PBLD: variants seen among roughly 807,000 people sequenced by gnomAD.
PBLD encodes phenazine biosynthesis like protein domain containing.
A neutral mutation model predicts 31.3 loss-of-function variants in PBLD; 26 were observed. The observed-to-expected ratio is 0.83, with a 90% CI of 0.61 to 1.15. PBLD has a LOEUF of 1.15. Among genes scored for constraint, PBLD ranks in the 50% most tolerant of loss-of-function variants. PBLD has a pLI of 0.00. For missense variants in PBLD, 307 were observed against 351.7 expected (o/e 0.87, Z 1.02); for synonymous variants, 114 against 129.0 (o/e 0.88, Z 0.79).
intron 1 of PBLD, among the ~76,000 whole-genome samples, chr10:68,323,973 C>T (rs2044874611): frequency 6.6e-6 from 1 of 152,178 alleles, no homozygotes; most frequent in East Asian, 1.9e-4. Context: ...GACACATTCA[C>T]TCGGACAGTA....
intron 1 of PBLD, among the ~76,000 whole-genome samples, chr10:68,308,800 A>G (rs1335338067): frequency 6.7e-6 from 1 of 148,250 alleles, no homozygotes; most frequent in Non-Finnish European, 1.5e-5. Flanking sequence ...TAGGCCTCCC[A>G]AAGAGCTGGG....
intron 2 of PBLD, among the ~76,000 whole-genome samples, chr10:68,297,957 A>AGT (rs2044452716): frequency 1.5e-5 from 1 of 64,994 alleles, no homozygotes; most frequent in African/African-American, 4.2e-5. Flanking sequence ...AAAAGATTTA[A>AGT]ATAAAAAAAA....
chr10:68,289,002 T>G lies in PBLD; in HGVS notation c.441A>C (p.Thr147=). ...GAGAATAACAGATGTCCTGGACCAG[T>G]GTGTTGCCTATGGCAGTCTGTGGAG... The part of the protein sequence containing the change: ...EDLIKTAIGN[T]LVQDICYSPD... Residue 147 remains threonine (T), a synonymous_variant, in exon 7 of 10, where the codon ACA becomes ACC. Transcript: ENST00000358769. The G allele has an allele frequency of 6.2e-7, 1 of 1,614,034 alleles. No homozygotes were observed. The highest frequency in any genetic ancestry group is 8.5e-7 in the Non-Finnish European group (1 of 1,179,968).
chr10:68,302,431 C>T (rs759423297), intron 2 of PBLD, among the ~76,000 whole-genome samples: 2 of 152,296 alleles, frequency 1.3e-5, no homozygotes, highest in Non-Finnish European at 2.9e-5. Flanking sequence ...ATGACAGTCC[C>T]GACTTATCAG....
intron 1 of PBLD, among the ~76,000 whole-genome samples, chr10:68,324,480 T>G (rs1253676554): frequency 1.3e-5 from 2 of 151,858 alleles, no homozygotes; most frequent in Non-Finnish European, 2.9e-5. Context: ...CAGCCAAATA[T>G]TTCTTAAAGA....
At chr10:68,330,709 C>CGT (rs56166847) in intron 1 of PBLD, among the ~76,000 whole-genome samples, 9,335 of 142,674 alleles carry the variant, frequency 0.065, 356 homozygotes, top group Non-Finnish European at 0.075. Flanking sequence ...CCACGCCCGG[C>CGT]GTGTGTGTGT....
intron 3 of PBLD, 135 bp from the exon 4 acceptor site, chr10:68,296,499 G>A (rs1589653208): frequency 1.5e-6 from 1 of 653,496 alleles, no homozygotes; most frequent in South Asian, 2.0e-5. Context: ...GAGGAATGAT[G>A]GCTAGGCAAG....
At chr10:68,288,144 T>G in intron 8 of PBLD, 1 of 263,634 alleles carries the variant, frequency 3.8e-6, no homozygotes. Context: ...TAACATGCAT[T>G]GTGCTTTTAT....
At chr10:68,307,001 C>T (rs1266479572) in intron 1 of PBLD, 98 bp from the exon 2 acceptor site, 1 of 576,136 alleles carries the variant, frequency 1.7e-6, no homozygotes, top group Non-Finnish European at 3.1e-6. Flanking sequence ...TTCAAAGATA[C>T]TACATTTAAA....
chr10:68,328,452 T>C (rs1392427456), intron 1 of PBLD, among the ~76,000 whole-genome samples: 1 of 152,208 alleles, frequency 6.6e-6, no homozygotes, highest in Admixed American at 6.5e-5. Context: ...GATGGTGTAA[T>C]ACATGATCAC....
In PBLD at chr10:68,284,072, T is replaced by C; in HGVS notation, c.*105A>G. 2 of 1,095,280 alleles carry C rather than the reference T, an allele frequency of 1.8e-6. No individual in the cohort carries two copies. The highest frequency in any genetic ancestry group is 4.5e-5 in the Admixed American group (2 of 44,886). The allele number at this position is 1,095,280 out of a possible 1,614,324, so 67.8% of individuals were successfully genotyped here. A position where few individuals can be genotyped will look rare whatever the true frequency, so the allele number is the denominator to read the frequency against. ...CATTTTTCGATTTTTAACATGAGGA[T>C]TAAGTAGACTACTACGCACATTTGC... On this transcript the variant is annotated 3_prime_UTR_variant, in exon 10 of 10. Coordinates refer to ENST00000358769, the MANE Select transcript of PBLD (RefSeq NM_022129.4).
intron 1 of PBLD, among the ~76,000 whole-genome samples, chr10:68,320,118 G>T (rs1007029813): frequency 6.6e-6 from 1 of 151,992 alleles, no homozygotes; most frequent in African/African-American, 2.4e-5. Flanking sequence ...CCACTCGCCC[G>T]CCTAAGAGAC....
intron 1 of PBLD, among the ~76,000 whole-genome samples, chr10:68,321,162 TTC>T (rs1345620445): frequency 6.6e-6 from 1 of 152,162 alleles, no homozygotes; most frequent in Non-Finnish European, 1.5e-5. Context: ...TTCTTTTCTT[TTC>T]TCTTTTTATT....
chr10:68,289,492 C>T (rs182009543), intron 6 of PBLD, among the ~76,000 whole-genome samples: 4 of 151,902 alleles, frequency 2.6e-5, no homozygotes, highest in East Asian at 1.9e-4. Context: ...ATCACTTGGC[C>T]GAGATCGCAC....
At chr10:68,312,767 G>C (rs1589666347) in intron 1 of PBLD, among the ~76,000 whole-genome samples, 3 of 74 alleles carry the variant, frequency 0.041, no homozygotes, top group South Asian at 0.38. Context: ...CCGCCACCAT[G>C]GCCTGGCTAA....
At chr10:68,286,877 C>CATAATCCT in intron 8 of PBLD, 1 of 23,626 alleles carries the variant, frequency 4.2e-5, no homozygotes, top group Non-Finnish European at 1.5e-4. Flanking sequence ...GTGGGCGTCC[C>CATAATCCT]AGCACTTTGG....
Position 68,283,809 on chromosome 10 carries a change from G to A in PBLD, c.*368C>T, listed in dbSNP as rs2044255720. ...TGCCCAGGCTGGAGTGCAGTGGTGTGATCTCTGCTCACTGCAACTTCTGCC... is the reference window on the plus strand; with the variant it reads ...TGCCCAGGCTGGAGTGCAGTGGTGTAATCTCTGCTCACTGCAACTTCTGCC... On this transcript the variant is annotated 3_prime_UTR_variant, in exon 10 of 10. Coordinates refer to ENST00000358769, the MANE Select transcript of PBLD (RefSeq NM_022129.4). The A allele has an allele frequency of 9.3e-6, 2 of 213,928 alleles. No homozygotes were observed. Among genetic ancestry groups the A allele is most frequent in the South Asian group, 1.5e-4 (2 of 13,562 alleles). 13.3% of individuals were successfully genotyped at this position (213,928 alleles called of 1,614,324 possible).
intron 1 of PBLD, chr10:68,331,199 G>T (rs1044238721): frequency 6.6e-6 from 1 of 152,168 alleles, no homozygotes; most frequent in Non-Finnish European, 1.5e-5. Context: ...GTGTCATTAG[G>T]AACCTTGGTG....
At position 68,295,266 on chromosome 10, in the gene PBLD, G is replaced by C. The variant is rs181573909; in HGVS notation, c.283+1000C>G. ...CCAGCACTTTGGGAGGCCAAGGTGG[G>C]CAGACCACTTGAGCTCAGGAATTTG... On this transcript the variant is annotated intron_variant, in intron 4 of 9. Coordinates refer to ENST00000358769, the MANE Select transcript of PBLD (RefSeq NM_022129.4). Among the ~76,000 whole-genome samples the C allele has an allele frequency of 1.9e-3, 288 of 151,380 alleles. 1 individual carries two copies. The highest frequency in any genetic ancestry group is 6.8e-3 in the African/African-American group (279 of 41,260).
Sources: gnomAD v4.1 joint callset for allele counts (sites outside exome capture counted in the v4.1 genomes callset) on GRCh38, gnomAD v4.1.1 for gene constraint, MANE v1.5 for transcripts, NCBI Gene and HGNC (gene_info 2026-07-23, HGNC 2026-07-21) for gene names.